PLEKHA8: variants seen among roughly 807,000 people sequenced by gnomAD.
The protein encoded by PLEKHA8 is pleckstrin homology domain-containing family A member 8.
In PLEKHA8, 36 loss-of-function variants were observed where a neutral mutation model predicts 68.2. The observed-to-expected ratio is 0.53, with a 90% CI of 0.40 to 0.70. PLEKHA8 has a LOEUF of 0.70. Among genes scored for constraint, PLEKHA8 ranks in the 30% least tolerant of loss-of-function variants. The probability of loss-of-function intolerance (pLI) is 0.00; values close to 1 mark genes in which losing one functional copy is unlikely to be tolerated. For missense variants in PLEKHA8, 505 were observed against 615.4 expected (o/e 0.82, Z 1.90); for synonymous variants, 211 against 216.1 (o/e 0.98, Z 0.20).
In PLEKHA8 at chr7:30,082,748, AT is replaced by A. The variant is rs1159145952; in HGVS notation, c.*3970del. On this transcript the variant is annotated 3_prime_UTR_variant, in exon 14 of 14. Coordinates refer to ENST00000449726, the MANE Select transcript of PLEKHA8 (RefSeq NM_001197026.2). ...AGGGAAAGAGGAGCCAAAGTAAGAG[AT>A]TTTTTTTTAAGGAAACTTAATCTGA... The A allele has an allele frequency of 7.1e-6, 7 of 981,694 alleles. No individual in the cohort carries two copies. Among genetic ancestry groups the A allele is most frequent in the African/African-American group, 3.5e-5 (2 of 57,028 alleles). 60.8% of individuals were successfully genotyped at this position (981,694 alleles called of 1,614,324 possible).
At chr7:30,109,786 C>T (rs1796209242) in intron 13 of PLEKHA8, among the ~76,000 whole-genome samples, 1 of 150,946 alleles carries the variant, frequency 6.6e-6, no homozygotes, top group Non-Finnish European at 1.5e-5. Flanking sequence ...ATCCTTTCAT[C>T]TTAGCCTTCC....
At position 30,080,007 on chromosome 7, in the gene PLEKHA8, T is replaced by C; in HGVS notation, c.*1220T>C. 1 of 985,306 alleles carries C rather than the reference T, an allele frequency of 1.0e-6. No homozygotes were observed. Among genetic ancestry groups the C allele is most frequent in the Non-Finnish European group, 1.2e-6 (1 of 829,902 alleles). 61.0% of individuals were successfully genotyped at this position (985,306 alleles called of 1,614,324 possible). A position where few individuals can be genotyped will look rare whatever the true frequency, so the allele number is the denominator to read the frequency against. ...GCAGCATTCTTAATTGAGCCAGCAT[T>C]GACACCCAGCCAGCAGGCCTTTGCA... On this transcript the variant is annotated 3_prime_UTR_variant, in exon 14 of 14. Transcript: ENST00000449726.
chr7:30,125,938 CTTTAT>C (rs1040991670), intron 13 of PLEKHA8, among the ~76,000 whole-genome samples: 1 of 151,696 alleles, frequency 6.6e-6, no homozygotes, highest in African/African-American at 2.4e-5. Flanking sequence ...TTTGGAATGG[CTTTAT>C]TATCTTTGGC....
intron 1 of PLEKHA8, among the ~76,000 whole-genome samples, chr7:30,040,527 T>C (rs1276794652): frequency 2.0e-5 from 3 of 152,206 alleles, no homozygotes; most frequent in African/African-American, 7.2e-5. Flanking sequence ...TCATTGAGGA[T>C]AGGGGATGTG....
intron 13 of PLEKHA8, among the ~76,000 whole-genome samples, 178 bp downstream of exon 13, chr7:30,074,310 A>G (rs777062870): frequency 4.0e-5 from 6 of 148,968 alleles, no homozygotes; most frequent in Non-Finnish European, 8.9e-5. Flanking sequence ...TTTTGAGGAT[A>G]AGAACAAAAT....
At chr7:30,114,813 T>C (rs1327095359) in intron 13 of PLEKHA8, among the ~76,000 whole-genome samples, 2 of 152,170 alleles carry the variant, frequency 1.3e-5, no homozygotes, top group Non-Finnish European at 2.9e-5. Context: ...TTTGGCTGTT[T>C]ATCATTTTGG....
At chr7:30,116,163 CAT>C (rs1349680495) in intron 13 of PLEKHA8, among the ~76,000 whole-genome samples, 6 of 151,174 alleles carry the variant, frequency 4.0e-5, no homozygotes, top group Non-Finnish European at 8.9e-5. Flanking sequence ...TACACGTATA[CAT>C]GTGTATACAT....
Position 30,044,050 on chromosome 7 carries a change from TGAGAC to T in PLEKHA8, c.41-1033_41-1029del, listed in dbSNP as rs1407942228. On this transcript the variant is annotated intron_variant, in intron 1 of 13. Coordinates refer to ENST00000449726, the MANE Select transcript of PLEKHA8 (RefSeq NM_001197026.2). ...AGGGATGATTTTTTTTTTTTTTTTTTGAGACGGAGTCTCAAAAAAGATCTCGGCTC... is the reference window on the plus strand; with the variant it reads ...AGGGATGATTTTTTTTTTTTTTTTTTGGAGTCTCAAAAAAGATCTCGGCTC... 6.6e-5 allele frequency among the ~76,000 whole-genome samples: 10 copies of T among 151,354 alleles called. No individual in the cohort carries two copies. In the East Asian group the frequency reaches 1.4e-3, roughly 21 times the overall value.
At chr7:30,118,154 G>A (rs1263129536) in intron 13 of PLEKHA8, 27 of 726,414 alleles carry the variant, frequency 3.7e-5, no homozygotes, top group South Asian at 9.0e-5. Flanking sequence ...AGCAAGCCCC[G>A]AGATGCCTCC....
intron 13 of PLEKHA8, among the ~76,000 whole-genome samples, chr7:30,119,189 A>G (rs1796655440): frequency 1.3e-5 from 2 of 152,242 alleles, no homozygotes; most frequent in Admixed American, 1.3e-4. Context: ...TTTCCCATCT[A>G]GAAAATAGAA....
At chr7:30,104,172 T>C (rs1239791832) in intron 13 of PLEKHA8, among the ~76,000 whole-genome samples, 2 of 152,212 alleles carry the variant, frequency 1.3e-5, no homozygotes, top group African/African-American at 4.8e-5. Flanking sequence ...ATCCACTAGT[T>C]TGGTGAACAT....
chr7:30,121,581 A>T (rs944067620), intron 13 of PLEKHA8, among the ~76,000 whole-genome samples: 1 of 152,042 alleles, frequency 6.6e-6, no homozygotes, highest in Non-Finnish European at 1.5e-5. Context: ...GTGAGCAGAG[A>T]TTGCGCCACT....
chr7:30,117,971 G>T (rs1425908624), intron 13 of PLEKHA8: 5 of 1,530,400 alleles, frequency 3.3e-6, no homozygotes, highest in East Asian at 4.9e-5. Context: ...TTCTAACAGG[G>T]ACACACAAAT....
At chr7:30,122,082 G>T (rs948505143) in intron 13 of PLEKHA8, among the ~76,000 whole-genome samples, 1 of 152,212 alleles carries the variant, frequency 6.6e-6, no homozygotes, top group Non-Finnish European at 1.5e-5. Context: ...GAGAATGTCA[G>T]TGTGAAACTT....
At chr7:30,125,203 G>A (rs190795207) in intron 13 of PLEKHA8, among the ~76,000 whole-genome samples, 1 of 152,264 alleles carries the variant, frequency 6.6e-6, no homozygotes, top group East Asian at 1.9e-4. Flanking sequence ...ATTTGTATGA[G>A]AAGAGTTATC....
At chr7:30,090,009 G>A (rs934566134) in intron 12 of PLEKHA8, 1 of 705,490 alleles carries the variant, frequency 1.4e-6, no homozygotes, top group Non-Finnish European at 2.3e-6. Flanking sequence ...GATAAATGTA[G>A]GAGTATCGAG....
In PLEKHA8 at chr7:30,078,843, GC is replaced by G; in HGVS notation, c.*59del. The stretch of plus-strand genomic sequence containing the variant: ...GGAATAAGTGCTAAAGTGTTTTGTT[GC>G]CCTACTTAATTTCCAGCAACAGCCT... On this transcript the variant is annotated 3_prime_UTR_variant, in exon 14 of 14. Transcript: ENST00000449726. The G allele has an allele frequency of 1.3e-6, 2 of 1,564,746 alleles. No homozygotes were observed.
rs1189666674 is a variant in PLEKHA8, at chr7:30,046,308, G to A, written c.256G>A (p.Val86Met). 6.2e-7 allele frequency: 1 copy of A among 1,613,892 alleles called. No homozygotes were observed. Among genetic ancestry groups the A allele is most frequent in the South Asian group, 1.1e-5 (1 of 91,040 alleles). ...TGTGGCTGAAAGACAGCGGTGGCTGGTGGCCCTGGGATCAGCCAAGGCTTG... is the reference window on the plus strand; with the variant it reads ...TGTGGCTGAAAGACAGCGGTGGCTGATGGCCCTGGGATCAGCCAAGGCTTG... ...RSVAERQRWL[V>M]ALGSAKACLT... The change falls in exon 3 of 14, where the codon GTG (valine) becomes ATG (methionine). Residue 86 changes from valine (V) to methionine (M), a missense_variant. Physicochemically the swap from Val to Met is conservative, Grantham distance 21 (BLOSUM62 1). Coordinates refer to ENST00000449726, the MANE Select transcript of PLEKHA8 (RefSeq NM_001197026.2).
At chr7:30,118,874 T>G (rs1033963689) in intron 13 of PLEKHA8, among the ~76,000 whole-genome samples, 1 of 152,248 alleles carries the variant, frequency 6.6e-6, no homozygotes, top group African/African-American at 2.4e-5. Flanking sequence ...CAGAATATAG[T>G]GGCATCAATG....
Sources: allele counts gnomAD v4.1 joint callset (sites outside exome capture counted in the v4.1 genomes callset), GRCh38; gene constraint gnomAD v4.1.1; transcripts MANE v1.5; gene names NCBI Gene and HGNC (gene_info 2026-07-23, HGNC 2026-07-21).